The following PCDH11Y variants were observed in gnomAD, a reference collection of about 807,000 sequenced individuals.
The protein encoded by PCDH11Y is protocadherin 11 Y-linked.
For missense variants in PCDH11Y, 12 were observed against 224.8 expected (o/e 0.05, Z 6.05); for synonymous variants, 9 against 83.6 (o/e 0.11, Z 4.87).
chrY:5,247,748 A>T, intron 2 of PCDH11Y, among the ~76,000 whole-genome samples: 1 of 32,104 alleles, frequency 3.1e-5, no homozygotes, highest in East Asian at 8.3e-4. Flanking sequence ...ACTGAAGGAG[A>T]TAGAGACACA....
chrY:5,196,265 A>G (rs2052918559), intron 2 of PCDH11Y, among the ~76,000 whole-genome samples: 1 of 33,580 alleles, frequency 3.0e-5, no homozygotes, highest in Admixed American at 2.8e-4. Context: ...TATTTCCTCC[A>G]GTAGCTGATC....
intron 4 of PCDH11Y, among the ~76,000 whole-genome samples, chrY:5,643,583 G>T (rs2053524596): frequency 8.2e-4 from 23 of 28,048 alleles, no homozygotes; most frequent in Non-Finnish European, 5.8e-4. Context: ...TTATTTGCCT[G>T]TTCATTTTTC....
intron 2 of PCDH11Y, among the ~76,000 whole-genome samples, chrY:5,296,474 C>A (rs2053074781): frequency 3.0e-5 from 1 of 33,505 alleles, no homozygotes; most frequent in South Asian, 6.8e-4. Context: ...CTGGCCCTTG[C>A]CCATGGCCTT....
chrY:5,193,692 A>G, intron 2 of PCDH11Y, among the ~76,000 whole-genome samples: 1 of 33,183 alleles, frequency 3.0e-5, no homozygotes, highest in African/African-American at 1.2e-4. Flanking sequence ...GCTCTTTTCC[A>G]TTTGCATGAT....
intron 4 of PCDH11Y, among the ~76,000 whole-genome samples, chrY:5,664,626 G>A (rs2053543466): frequency 7.9e-5 from 2 of 25,403 alleles, no homozygotes; most frequent in African/African-American, 3.2e-4. Context: ...TTTTTGAGGC[G>A]GAGTCTCGCT....
intron 4 of PCDH11Y, among the ~76,000 whole-genome samples, chrY:5,599,633 A>T: frequency 3.0e-5 from 1 of 33,485 alleles, no homozygotes; most frequent in African/African-American, 1.2e-4. Flanking sequence ...ATTGACTCTC[A>T]CAAGTCACAA....
At chrY:5,282,245 C>A in intron 2 of PCDH11Y, among the ~76,000 whole-genome samples, 1 of 31,990 alleles carries the variant, frequency 3.1e-5, no homozygotes, top group Non-Finnish European at 7.7e-5. Context: ...TTTCTCAATT[C>A]TGAATTTACA....
At chrY:5,065,870 C>T in intron 1 of PCDH11Y, among the ~76,000 whole-genome samples, 2 of 31,069 alleles carry the variant, frequency 6.4e-5, no homozygotes, top group African/African-American at 1.2e-4. Flanking sequence ...TCTGGAATTG[C>T]TTTATTTACA....
chrY:5,418,405 A>G (rs2053255110), intron 2 of PCDH11Y, among the ~76,000 whole-genome samples: 1 of 28,242 alleles, frequency 3.5e-5, no homozygotes, highest in Non-Finnish European at 8.5e-5. Flanking sequence ...TTGTCAACCT[A>G]TGTGGATGGT....
chrY:5,191,210 C>T, intron 2 of PCDH11Y, among the ~76,000 whole-genome samples: 6 of 31,329 alleles, frequency 1.9e-4, no homozygotes, highest in African/African-American at 5.0e-4. Flanking sequence ...ATGTCAATGA[C>T]GAGTTGATGG....
chrY:5,415,887 T>C, intron 2 of PCDH11Y, among the ~76,000 whole-genome samples: 1 of 32,530 alleles, frequency 3.1e-5, no homozygotes, highest in South Asian at 7.0e-4. Flanking sequence ...ACTCCTCACA[T>C]GTTCAATGCA....
chrY:5,086,287 T>A, intron 1 of PCDH11Y, among the ~76,000 whole-genome samples: 4 of 32,808 alleles, frequency 1.2e-4, no homozygotes, highest in Non-Finnish European at 3.0e-4. Context: ...TCAATCTCTT[T>A]GTTAAATTTC....
At chrY:5,020,726 G>A in intron 1 of PCDH11Y, among the ~76,000 whole-genome samples, 2 of 33,555 alleles carry the variant, frequency 6.0e-5, no homozygotes, top group Non-Finnish European at 1.5e-4. Context: ...ACAATGATAT[G>A]TGTTCATAAG....
intron 2 of PCDH11Y, among the ~76,000 whole-genome samples, chrY:5,331,422 C>T: frequency 3.0e-5 from 1 of 33,089 alleles, no homozygotes; most frequent in Non-Finnish European, 7.4e-5. Flanking sequence ...CCTCACTATA[C>T]ATCCCACCAG....
intron 2 of PCDH11Y, among the ~76,000 whole-genome samples, chrY:5,227,862 A>G (rs2124653386): frequency 6.6e-5 from 2 of 30,167 alleles, no homozygotes; most frequent in East Asian, 8.8e-4. Context: ...AATACTCATC[A>G]GAGATATTGG....
At chrY:5,715,940 A>G in intron 4 of PCDH11Y, among the ~76,000 whole-genome samples, 3 of 31,099 alleles carry the variant, frequency 9.6e-5, no homozygotes, top group African/African-American at 2.5e-4. Context: ...CTTTATTCCT[A>G]TTACACAAGG....
intron 2 of PCDH11Y, among the ~76,000 whole-genome samples, chrY:5,455,042 G>A (rs2053296535): frequency 7.2e-4 from 24 of 33,235 alleles, no homozygotes; most frequent in Admixed American, 2.5e-3. Flanking sequence ...TTTATGCTCC[G>A]CTTCCCCATT....
chrY:5,362,809 A>G, intron 2 of PCDH11Y, among the ~76,000 whole-genome samples: 1 of 31,627 alleles, frequency 3.2e-5, no homozygotes, highest in Admixed American at 3.0e-4. Flanking sequence ...TATGTACCAC[A>G]TTTTCTTTAT....
chrY:5,672,363 A>G, intron 4 of PCDH11Y, among the ~76,000 whole-genome samples: 2 of 30,513 alleles, frequency 6.6e-5, no homozygotes, highest in Admixed American at 3.0e-4. Flanking sequence ...TTTTCTTTAC[A>G]TGTTTGGTAG....
Sources: gnomAD v4.1 joint callset for allele counts (sites outside exome capture counted in the v4.1 genomes callset) on GRCh38, gnomAD v4.1.1 for gene constraint, MANE v1.5 for transcripts, NCBI Gene and HGNC (gene_info 2026-07-23, HGNC 2026-07-21) for gene names.